Variants in SAXO4 observed in about 807,000 individuals in gnomAD.
The protein encoded by SAXO4 is protein phosphatase 1 regulatory subunit 32.
chr11:61,485,527 G>T, the SAXO4 span: 1 of 882,812 alleles, frequency 1.1e-6, no homozygotes, highest in South Asian at 1.7e-5. Context: ...AGGATGCACA[G>T]GTGGCTGGAG....
chr11:61,490,849 G>C, the SAXO4 span: 2 of 532,312 alleles, frequency 3.8e-6, no homozygotes, highest in Admixed American at 3.2e-5. Flanking sequence ...CCAGGCTACT[G>C]TCTGTACCCC....
the SAXO4 span, among the ~76,000 whole-genome samples, chr11:61,481,385 C>T: frequency 2.0e-5 from 3 of 152,100 alleles, no homozygotes; most frequent in African/African-American, 7.2e-5. Flanking sequence ...CAAGAATTCC[C>T]CAGGTAGTGG....
the SAXO4 span, chr11:61,485,846 A>G: frequency 1.2e-6 from 2 of 1,613,978 alleles, no homozygotes; most frequent in Non-Finnish European, 1.7e-6. Flanking sequence ...GAGTGGCTTC[A>G]CCAAACAGTC....
the SAXO4 span, chr11:61,482,936 A>G: frequency 1.0e-6 from 1 of 969,876 alleles, no homozygotes. Flanking sequence ...GATGGGGTCC[A>G]CTCATCTTTC....
the SAXO4 span, among the ~76,000 whole-genome samples, chr11:61,484,028 C>G: frequency 2.6e-5 from 4 of 151,894 alleles, no homozygotes; most frequent in Non-Finnish European, 4.4e-5. Context: ...TTGAGGCCAA[C>G]TGCTGTTGGG....
the SAXO4 span, among the ~76,000 whole-genome samples, chr11:61,487,707 C>A: frequency 1.3e-5 from 2 of 152,140 alleles, no homozygotes; most frequent in African/African-American, 4.8e-5. Flanking sequence ...GCATTGGTGG[C>A]CAGGCTGGTG....
chr11:61,481,756 T>C, the SAXO4 span: 7 of 1,048,908 alleles, frequency 6.7e-6, no homozygotes, highest in Non-Finnish European at 9.3e-6. Flanking sequence ...TTGGGACCCA[T>C]GAGGCTCCCC....
the SAXO4 span, chr11:61,487,352 G>A: frequency 2.3e-5 from 22 of 940,762 alleles, no homozygotes; most frequent in Non-Finnish European, 3.7e-5. Flanking sequence ...AGTGAATATG[G>A]GTTCCCCAGA....
the SAXO4 span, chr11:61,490,060 C>T: frequency 1.9e-6 from 2 of 1,076,084 alleles, no homozygotes. Context: ...TATGAGAGGC[C>T]CATCTCCTCT....
chr11:61,485,262 G>A, the SAXO4 span: 104 of 1,323,880 alleles, frequency 7.9e-5, no homozygotes, highest in Non-Finnish European at 9.7e-5. Context: ...GAACCGAGGC[G>A]CCACTCCACC....
the SAXO4 span, chr11:61,482,511 T>C: frequency 6.4e-7 from 1 of 1,562,590 alleles, no homozygotes; most frequent in Non-Finnish European, 8.8e-7. Context: ...CCCTGAGCTT[T>C]GCCTGCCCTA....
chr11:61,487,394 G>C, the SAXO4 span, among the ~76,000 whole-genome samples: 5 of 152,170 alleles, frequency 3.3e-5, no homozygotes, highest in African/African-American at 4.8e-5. Context: ...TGGAGTGCAA[G>C]CATGTTATCA....
chr11:61,481,716 T>A, the SAXO4 span: 1 of 633,696 alleles, frequency 1.6e-6, no homozygotes, highest in Non-Finnish European at 2.6e-6. Context: ...GGGGGGCAGA[T>A]CTTCGCCCCT....
the SAXO4 span, chr11:61,490,915 A>C: frequency 3.0e-6 from 1 of 329,776 alleles, no homozygotes; most frequent in Non-Finnish European, 5.7e-6. Context: ...TGAAATAAAG[A>C]GCATTGAAGC....
At chr11:61,481,972 G>T in the SAXO4 span, 3 of 1,254,148 alleles carry the variant, frequency 2.4e-6, no homozygotes, top group Non-Finnish European at 3.4e-6. Flanking sequence ...GGAAGGGAGG[G>T]GCTCTCTCTG....
chr11:61,489,931 A>T, the SAXO4 span: 1 of 1,611,292 alleles, frequency 6.2e-7, no homozygotes, highest in Non-Finnish European at 8.5e-7. Context: ...CGGCACCTGC[A>T]TCCCCACGTG....
At chr11:61,489,921 C>T in the SAXO4 span, 12 of 1,611,978 alleles carry the variant, frequency 7.4e-6, no homozygotes, top group South Asian at 5.5e-5. Context: ...GGAGAGCCTG[C>T]GGCACCTGCA....
chr11:61,482,616 G>A, the SAXO4 span: 1 of 1,613,540 alleles, frequency 6.2e-7, no homozygotes, highest in East Asian at 2.2e-5. Context: ...AGAGGACAGA[G>A]GCAGGCGGCC....
the SAXO4 span, chr11:61,486,503 T>C: frequency 1.9e-6 from 3 of 1,613,508 alleles, no homozygotes; most frequent in Non-Finnish European, 2.5e-6. Context: ...CTGGTGCCAG[T>C]GGCTGCTTTG....
Sources: allele counts gnomAD v4.1 joint callset (sites outside exome capture counted in the v4.1 genomes callset), GRCh38; gene constraint gnomAD v4.1.1; transcripts MANE v1.5; gene names NCBI Gene and HGNC (gene_info 2026-07-23, HGNC 2026-07-21).